The following CABLES1 variants were observed in gnomAD, a reference collection of about 807,000 sequenced individuals.
CABLES1 encodes the protein Cdk5 and Abl enzyme substrate 1.
A neutral mutation model predicts 57.8 loss-of-function variants in CABLES1; 36 were observed. The ratio of observed to expected loss-of-function variants is 0.62; its 90% CI spans 0.48 to 0.82. The LOEUF is 0.82. Ranked by LOEUF, CABLES1 falls within the 40% of genes least tolerant of loss-of-function variation. The probability of loss-of-function intolerance (pLI) is 0.00; values close to 1 mark genes in which losing one functional copy is unlikely to be tolerated. For missense variants in CABLES1, 767 were observed against 836.6 expected, an observed-to-expected ratio of 0.92 and a Z score of 1.03; for synonymous variants, 374 against 363.0, an observed-to-expected ratio of 1.03 and a Z score of -0.35.
intron 1 of CABLES1, among the ~76,000 whole-genome samples, chr18:23,157,958 C>T (rs1049562237): frequency 2.0e-5 from 3 of 152,062 alleles, no homozygotes; most frequent in East Asian, 1.9e-4. Flanking sequence ...AAAACATTTC[C>T]GATCCTTGGT....
chr18:23,240,548 A>G (rs1204922504), intron 7 of CABLES1, among the ~76,000 whole-genome samples: 2 of 152,224 alleles, frequency 1.3e-5, no homozygotes, highest in Admixed American at 6.5e-5. Flanking sequence ...CCACTAGGCT[A>G]GTGTGAGGAT....
chr18:23,239,044 G>A (rs1227791557), intron 7 of CABLES1, among the ~76,000 whole-genome samples: 1 of 152,234 alleles, frequency 6.6e-6, no homozygotes, highest in Non-Finnish European at 1.5e-5. Context: ...TATAGGCCTA[G>A]TGTTGGGCTG....
chr18:23,144,051 G>C (rs886398762), intron 1 of CABLES1, among the ~76,000 whole-genome samples: 2 of 152,116 alleles, frequency 1.3e-5, no homozygotes, highest in African/African-American at 4.8e-5. Context: ...GCACTCTCAG[G>C]CTTCTCCTGG....
At chr18:23,174,457 T>C (rs1214922103) in intron 1 of CABLES1, among the ~76,000 whole-genome samples, 1 of 151,686 alleles carries the variant, frequency 6.6e-6, no homozygotes, top group Non-Finnish European at 1.5e-5. Context: ...GTTGGTCATA[T>C]GGGGTGACTC....
chr18:23,184,279 G>GTGCTAATGTGTGCCCTTGCA (rs1362441665), intron 1 of CABLES1, among the ~76,000 whole-genome samples: 2 of 151,874 alleles, frequency 1.3e-5, no homozygotes, highest in Non-Finnish European at 2.9e-5. Context: ...GTGCCCATGC[G>GTGCTAATGTGTGCCCTTGCA]TGCTAATGTG....
At chr18:23,174,390 T>C (rs570077241) in intron 1 of CABLES1, among the ~76,000 whole-genome samples, 1 of 152,338 alleles carries the variant, frequency 6.6e-6, no homozygotes, top group African/African-American at 2.4e-5. Context: ...ACATTGTATA[T>C]GTCTTTGTGT....
At chr18:23,227,732 A>T (rs1429703839) in intron 4 of CABLES1, among the ~76,000 whole-genome samples, 1 of 152,204 alleles carries the variant, frequency 6.6e-6, no homozygotes, top group Admixed American at 6.5e-5. Flanking sequence ...GCCCATGTGT[A>T]ATCTCTTAAT....
At position 23,136,145 on chromosome 18, in the gene CABLES1, C is replaced by A. The variant is rs1460719555; in HGVS notation, c.383C>A (p.Pro128Gln). The change falls in exon 1 of 10, where the codon CCG becomes CAG. Residue 128 changes from proline (P) to glutamine (Q), a missense_variant. Transcript: ENST00000256925. ...GCIALAAPGT[P>Q]AAGLAAGSGP... is the part of the protein sequence containing the mutation. ...ATCGCGCTCGCCGCGCCGGGCACGCCGGCTGCGGGGTTAGCCGCTGGGTCC... is the reference window on the plus strand; with the variant it reads ...ATCGCGCTCGCCGCGCCGGGCACGCAGGCTGCGGGGTTAGCCGCTGGGTCC... 6.6e-6 allele frequency: 8 copies of A among 1,206,042 alleles called. No homozygotes were observed. In the Admixed American group the frequency reaches 1.8e-4, roughly 27 times the overall value. 74.7% of individuals were successfully genotyped at this position (1,206,042 alleles called of 1,614,324 possible). A position where few individuals can be genotyped will look rare whatever the true frequency, so the allele number is the denominator to read the frequency against.
In CABLES1 at chr18:23,213,968, A is replaced by G. The variant is rs779675200; in HGVS notation, c.1011-9A>G. The G allele has an allele frequency of 6.4e-7, 1 of 1,569,078 alleles. No homozygotes were observed. On this transcript the variant is annotated splice_polypyrimidine_tract_variant and intron_variant, in intron 3 of 9. Transcript: ENST00000256925. Reference sequence around the variant, plus strand: ...GTGTTTGTTGTTTGTTCTTCTTTTTATTTTTTAGAATAGTCCTTATCAGTG... The same window carrying G: ...GTGTTTGTTGTTTGTTCTTCTTTTTGTTTTTTAGAATAGTCCTTATCAGTG...
At chr18:23,221,537 C>G (rs1401167024) in intron 4 of CABLES1, among the ~76,000 whole-genome samples, 8 of 152,122 alleles carry the variant, frequency 5.3e-5, no homozygotes, top group Admixed American at 3.3e-4. Context: ...AGACAGAAAC[C>G]AGCACAGACA....
At chr18:23,170,789 T>A (rs1292254001) in intron 1 of CABLES1, among the ~76,000 whole-genome samples, 1 of 152,020 alleles carries the variant, frequency 6.6e-6, no homozygotes, top group African/African-American at 2.4e-5. Context: ...GAGGGTTGTT[T>A]TTTTGTTGTT....
chr18:23,139,332 G>A (rs2046843051), intron 1 of CABLES1, among the ~76,000 whole-genome samples: 1 of 150,850 alleles, frequency 6.6e-6, no homozygotes, highest in Admixed American at 6.6e-5. Flanking sequence ...GAACCCAGGA[G>A]GCGGAGGTTG....
At chr18:23,193,667 T>G (rs1259026785) in intron 2 of CABLES1, among the ~76,000 whole-genome samples, 1 of 152,210 alleles carries the variant, frequency 6.6e-6, no homozygotes, top group Non-Finnish European at 1.5e-5. Flanking sequence ...GCATTTTGCT[T>G]TTCTGTCGTT....
intron 2 of CABLES1, among the ~76,000 whole-genome samples, chr18:23,192,946 C>T (rs2047255481): frequency 6.6e-6 from 1 of 152,104 alleles, no homozygotes; most frequent in Admixed American, 6.5e-5. Flanking sequence ...AATCCCAGCA[C>T]TTTGGGAGGC....
chr18:23,248,879 TGAG>T (rs1334358232), intron 7 of CABLES1, among the ~76,000 whole-genome samples: 2 of 152,194 alleles, frequency 1.3e-5, no homozygotes, highest in African/African-American at 4.8e-5. Context: ...CTAGAATCAT[TGAG>T]GAGGCTGACA....
At chr18:23,170,315 C>T (rs1161662793) in intron 1 of CABLES1, among the ~76,000 whole-genome samples, 1 of 152,150 alleles carries the variant, frequency 6.6e-6, no homozygotes, top group Non-Finnish European at 1.5e-5. Context: ...CTGTTTTTGA[C>T]GTGGCCTGTT....
chr18:23,228,390 A>G (rs1398602195), intron 4 of CABLES1, among the ~76,000 whole-genome samples: 1 of 152,196 alleles, frequency 6.6e-6, no homozygotes, highest in Admixed American at 6.5e-5. Context: ...TAGATTAGCC[A>G]CCTGCTTTGA....
rs755307963 is a variant in CABLES1 at position 23,253,867 on chromosome 18, G to C, written c.1692G>C (p.Gly564=). The C allele has an allele frequency of 5.6e-6, 9 of 1,614,092 alleles. No homozygotes were observed. The highest frequency in any genetic ancestry group is 3.3e-4 in the Middle Eastern group (2 of 6,084). ...AACAGAACCGGAAGCTGTGTGCTGG[G>C]GCATGTGTGCTGTTAGCAGCCAAAA... ...LNKQNRKLCA[G]ACVLLAAKIG... Residue 564 remains glycine (G), a synonymous_variant, in exon 9 of 10, where the codon GGG becomes GGC. Coordinates refer to ENST00000256925, the MANE Select transcript of CABLES1 (RefSeq NM_001100619.3).
chr18:23,209,295 G>A (rs975621153), intron 3 of CABLES1, among the ~76,000 whole-genome samples: 1 of 152,218 alleles, frequency 6.6e-6, no homozygotes, highest in South Asian at 2.1e-4. Flanking sequence ...AGTGCTATCC[G>A]TGGTTTCAGA....
Sources: gnomAD v4.1 joint callset for allele counts (sites outside exome capture counted in the v4.1 genomes callset) on GRCh38, gnomAD v4.1.1 for gene constraint, MANE v1.5 for transcripts, NCBI Gene and HGNC (gene_info 2026-07-23, HGNC 2026-07-21) for gene names.